ATP13A2: variants seen among roughly 807,000 people sequenced by gnomAD.
The protein encoded by ATP13A2 is polyamine-transporting ATPase 13A2.
In ATP13A2, 83 loss-of-function variants were observed where a neutral mutation model predicts 138.3. That is an observed-to-expected ratio of 0.60 (90% CI 0.50 to 0.72). ATP13A2 has a LOEUF of 0.72. ATP13A2 is among the 30% of genes least tolerant of loss of function. The pLI, the probability that ATP13A2 is intolerant of heterozygous loss-of-function variation, is 0.00. For synonymous variants in ATP13A2, 663 were observed against 699.0 expected (o/e 0.95, Z 0.81); for missense variants, 1,402 against 1,606.4 (o/e 0.87, Z 2.17).
chr1:17,005,312 C>T, intron 3 of ATP13A2, 62 bp downstream of exon 3: 1 of 1,551,020 alleles, frequency 6.4e-7, no homozygotes, highest in Non-Finnish European at 8.7e-7. Flanking sequence ...CCCAAGCATC[C>T]TCCACCCCCG....
intron 15 of ATP13A2, among the ~76,000 whole-genome samples, chr1:16,994,282 G>A (rs2077040959): frequency 6.6e-6 from 1 of 151,614 alleles, no homozygotes; most frequent in Non-Finnish European, 1.5e-5. Context: ...GCCCGCGCTG[G>A]AGTGCAGTGG....
rs1352656850 is a variant in ATP13A2 at position 16,990,228 on chromosome 1, C to T, written c.2311G>A (p.Glu771Lys). 1.2e-6 allele frequency: 2 copies of T among 1,614,000 alleles called. No homozygotes were observed. Among genetic ancestry groups the T allele is most frequent in the African/African-American group, 2.7e-5 (2 of 75,030 alleles). Residue 771 changes from glutamate to lysine, a missense_variant, in exon 21 of 29, where the codon GAG becomes AAG. By Grantham distance (56) the Glu-to-Lys change is moderately conservative. Coordinates refer to ENST00000326735, the MANE Select transcript of ATP13A2 (RefSeq NM_022089.4). ...ARGCGMVAPQ[E>K]HLIIVHATHP... ...GTGGCGTGGACGATGATCAGATGCT[C>T]CTGGGGGGCCACCATGCCACAGCCC...
intron 1 of ATP13A2, 22 bp from the exon 2 acceptor site, chr1:17,005,800 G>A (rs2077536496): frequency 6.3e-7 from 1 of 1,589,418 alleles, no homozygotes; most frequent in Non-Finnish European, 8.6e-7. Flanking sequence ...AAAGAGAAAG[G>A]TCATTTGGGG....
chr1:17,005,771 GC>G lies in ATP13A2; in HGVS notation c.17del (p.Ser6ThrfsTer14). 1 of 1,610,360 alleles carries G rather than the reference GC, an allele frequency of 6.2e-7. No individual in the cohort carries two copies. ...CGGTGGGCGTGCTGCCCACGAGAGG[GC>G]TGCTGTCTGTGGACAGAAAAGAGAA... MSADS[S>X]PLVGSTPTGY... On this transcript the variant is annotated frameshift_variant, in exon 2 of 29. Transcript: ENST00000326735. LOFTEE classifies it high-confidence loss of function.
At chr1:17,005,350 C>T (rs2101118066) in intron 3 of ATP13A2, 24 bp downstream of exon 3, 3 of 1,575,808 alleles carry the variant, frequency 1.9e-6, no homozygotes, top group East Asian at 4.6e-5. Flanking sequence ...GCTTCTCTAG[C>T]CCCAGGCTCA....
chr1:16,994,184 G>GCTCTCTCTCTCT (rs144710370), intron 15 of ATP13A2, among the ~76,000 whole-genome samples: 3 of 148,400 alleles, frequency 2.0e-5, no homozygotes. Flanking sequence ...CGGTTGGCTC[G>GCTCTCTCTCTCT]CTCTCTCTCT....
chr1:16,989,637 C>T (rs905316433), intron 23 of ATP13A2, 54 bp downstream of exon 23: 70 of 1,574,012 alleles, frequency 4.4e-5, no homozygotes, highest in African/African-American at 3.4e-4. Context: ...AACAGACGAA[C>T]GGACAAGCTC....
rs1348579541 is a variant in ATP13A2, at chr1:17,011,379, G to A, written c.10+350C>T. 6.6e-6 allele frequency among the ~76,000 whole-genome samples: 1 copy of A among 152,184 alleles called. No homozygotes were observed. The highest frequency in any genetic ancestry group is 1.5e-5 in the Non-Finnish European group (1 of 68,026). ...CCCACCTGGACATCCGTCACTCGGG[G>A]TGGGATCCGATTAAGTGGGCGTGGG... is the stretch of plus-strand genomic sequence containing the variant. On this transcript the variant is annotated intron_variant, in intron 1 of 28. Transcript: ENST00000326735. The surrounding 1 kb of genome is among the most constrained non-coding windows in gnomAD (Gnocchi z 7.3).
In ATP13A2 at chr1:16,987,158, G is replaced by C; in HGVS notation, c.2971C>G (p.Arg991Gly). 1 of 1,613,138 alleles carries C rather than the reference G, an allele frequency of 6.2e-7. No homozygotes were observed. ...ACGCTGAGCAGCGCCCCCGGTGGCC[G>C]CACCCGTCCCAGGACCAGCGCTGGC... ...TGPALVLGRV[R>G]PPGALLSVPV... is the part of the protein sequence containing the mutation. The change falls in exon 26 of 29, where the codon CGG becomes GGG. Residue 991 changes from arginine to glycine, a missense_variant. By Grantham distance (125) the Arg-to-Gly change is moderately radical (BLOSUM62 -2). Coordinates refer to ENST00000326735, the MANE Select transcript of ATP13A2 (RefSeq NM_022089.4).
At position 17,004,327 on chromosome 1, in the gene ATP13A2, C is replaced by T. The variant is rs778632128; in HGVS notation, c.557+5G>A. 6.2e-7 allele frequency: 1 copy of T among 1,613,442 alleles called. No individual in the cohort carries two copies. The highest frequency in any genetic ancestry group is 8.5e-7 in the Non-Finnish European group (1 of 1,179,752). ...GACATGAGCCACACAGGCCCTGACTCCTACCTGACCTGGTAGAAGGCTTGC... is the reference window on the plus strand; with the variant it reads ...GACATGAGCCACACAGGCCCTGACTTCTACCTGACCTGGTAGAAGGCTTGC... On this transcript the variant is annotated splice_donor_5th_base_variant and intron_variant, in intron 6 of 28. Coordinates refer to ENST00000326735, the MANE Select transcript of ATP13A2 (RefSeq NM_022089.4). This position sits in a 1 kb window ranked among gnomAD's most constrained non-coding sequence, Gnocchi z 4.1.
intron 1 of ATP13A2, among the ~76,000 whole-genome samples, chr1:17,010,565 C>T (rs1307933196): frequency 6.6e-6 from 1 of 152,158 alleles, no homozygotes; most frequent in African/African-American, 2.4e-5. Context: ...GGTCATAGAG[C>T]TTGAAAGGGG....
In ATP13A2 at chr1:16,989,784, G is replaced by T. The variant is rs759142662; in HGVS notation, c.2530-14C>A. On this transcript the variant is annotated splice_polypyrimidine_tract_variant and intron_variant, in intron 22 of 28. Coordinates refer to ENST00000326735, the MANE Select transcript of ATP13A2 (RefSeq NM_022089.4). ...CTGGACCAGGACCTGGGAGCACAGG[G>T]AGATGGGGGAGGGCTGAGGCACCCA... is the stretch of plus-strand genomic sequence containing the variant. The T allele has an allele frequency of 9.9e-6, 16 of 1,613,842 alleles. No individual in the cohort carries two copies. Among genetic ancestry groups the T allele is most frequent in the South Asian group, 5.5e-5 (5 of 91,090 alleles).
chr1:16,997,093 G>A lies in ATP13A2; in HGVS notation c.1122C>T (p.Leu374=), dbSNP rs142916745. 1 of 1,613,748 alleles carries A rather than the reference G, an allele frequency of 6.2e-7. No individual in the cohort carries two copies. The highest frequency in any genetic ancestry group is 2.2e-5 in the East Asian group (1 of 44,882). ...YCAETHRRHT[L]FCGTLILQAR... Reference sequence around the variant, plus strand: ...CCTGCAAGATGAGGGTCCCGCAGAAGAGTGTGTGCCGCCGGTGTGTCTCTG... The same window carrying A: ...CCTGCAAGATGAGGGTCCCGCAGAAAAGTGTGTGCCGCCGGTGTGTCTCTG... The change falls in exon 12 of 29, where the codon CTC becomes CTT. Residue 374 remains leucine (L), a synonymous_variant. Coordinates refer to ENST00000326735, the MANE Select transcript of ATP13A2 (RefSeq NM_022089.4).
chr1:16,996,793 G>T, intron 12 of ATP13A2: 2 of 657,006 alleles, frequency 3.0e-6, no homozygotes, highest in Non-Finnish European at 5.3e-6. Flanking sequence ...TGTAACCCCG[G>T]CGGCTCCTCC....
chr1:16,998,725 C>T (rs561098779), intron 11 of ATP13A2, among the ~76,000 whole-genome samples: 1 of 152,094 alleles, frequency 6.6e-6, no homozygotes, highest in African/African-American at 2.4e-5. Flanking sequence ...TCATGGCGAG[C>T]GGGCCGGTTG....
intron 11 of ATP13A2, among the ~76,000 whole-genome samples, chr1:16,998,285 A>G (rs531725341): frequency 6.6e-6 from 1 of 151,854 alleles, no homozygotes; most frequent in African/African-American, 2.4e-5. Flanking sequence ...GCTCACTGCA[A>G]CCTCCACCTC....
At chr1:16,999,570 G>A (rs1210458323) in intron 11 of ATP13A2, among the ~76,000 whole-genome samples, 3 of 152,026 alleles carry the variant, frequency 2.0e-5, no homozygotes, top group Admixed American at 2.0e-4. Context: ...AGGGGTGTGA[G>A]GTTAGCAAGT....
Position 16,992,745 on chromosome 1 carries a change from C to T in ATP13A2, c.1750-164G>A, listed in dbSNP as rs567434761. 2.1e-4 allele frequency among the ~76,000 whole-genome samples: 32 copies of T among 152,340 alleles called. 1 individual carries two copies. The East Asian group carries it at 5.8e-3, about 28-fold the overall frequency. On this transcript the variant is annotated intron_variant, in intron 16 of 28. Transcript: ENST00000326735. ...ATTCAAACTCTAGCTTTGCTACTTA[C>T]AAGCTGTTGGGTGACCTGGAATACG...
At chr1:16,997,755 A>C (rs1161545008) in intron 11 of ATP13A2, among the ~76,000 whole-genome samples, 1 of 151,556 alleles carries the variant, frequency 6.6e-6, no homozygotes, top group Admixed American at 6.6e-5. Flanking sequence ...GCAGGGTAAT[A>C]ACTTGAACCA....
Sources: allele counts gnomAD v4.1 joint callset (sites outside exome capture counted in the v4.1 genomes callset), GRCh38; gene constraint gnomAD v4.1.1; non-coding constraint Gnocchi (gnomAD v3.1); transcripts MANE v1.5; gene names NCBI Gene and HGNC (gene_info 2026-07-23, HGNC 2026-07-21).